The following GON4L variants were observed in gnomAD, a reference collection of about 807,000 sequenced individuals.
GON4L encodes the protein GON-4-like protein.
In GON4L, 87 loss-of-function variants were observed where a neutral mutation model predicts 211.8. That is an observed-to-expected ratio of 0.41 (90% CI 0.35 to 0.49). GON4L has a LOEUF of 0.49. Among genes scored for constraint, GON4L ranks in the 20% least tolerant of loss-of-function variants. GON4L has a pLI of 0.15. For synonymous variants in GON4L, 875 were observed against 962.6 expected (o/e 0.91, Z 1.68); for missense variants, 2,155 against 2,659.5 (o/e 0.81, Z 4.17).
At chr1:155,801,998 C>T (rs1373283265) in intron 11 of GON4L, among the ~76,000 whole-genome samples, 2 of 152,160 alleles carry the variant, frequency 1.3e-5, no homozygotes, top group Non-Finnish European at 2.9e-5. Flanking sequence ...CAGGCATGAG[C>T]CACCACGCCT....
chr1:155,764,530 C>T, intron 21 of GON4L: 1 of 313,642 alleles, frequency 3.2e-6, no homozygotes, highest in Non-Finnish European at 6.1e-6. Flanking sequence ...ACCTCTGTCT[C>T]TCGGGCTCAA....
chr1:155,764,165 C>T (rs1259626008), intron 21 of GON4L, among the ~76,000 whole-genome samples: 4 of 152,048 alleles, frequency 2.6e-5, no homozygotes, highest in African/African-American at 9.7e-5. Context: ...AGTTTTCAGG[C>T]TGGAGTGAGA....
chr1:155,798,851 C>T (rs1666355395), intron 11 of GON4L, among the ~76,000 whole-genome samples: 1 of 152,080 alleles, frequency 6.6e-6, no homozygotes. Context: ...GCCCACACCA[C>T]ACAAATGGGT....
chr1:155,755,792 T>C (rs916549564), intron 27 of GON4L, among the ~76,000 whole-genome samples: 3 of 152,102 alleles, frequency 2.0e-5, no homozygotes, highest in Admixed American at 1.3e-4. Context: ...TTTGTACCCA[T>C]GGAAAGCCTA....
chr1:155,759,843 A>G (rs1661584929), intron 24 of GON4L, among the ~76,000 whole-genome samples: 2 of 151,590 alleles, frequency 1.3e-5, no homozygotes, highest in East Asian at 1.9e-4. Context: ...ACCGCTGTGT[A>G]TAAAACCACC....
chr1:155,750,822 G>A, intron 31 of GON4L, 89 bp from the exon 32 acceptor site: 8 of 1,286,180 alleles, frequency 6.2e-6, no homozygotes, highest in Non-Finnish European at 7.7e-6. Context: ...GGAGTGCAGT[G>A]GCACTGTGTC....
At chr1:155,820,721 C>A in intron 5 of GON4L, 65 bp from the exon 6 acceptor site, 1 of 1,202,820 alleles carries the variant, frequency 8.3e-7, no homozygotes, top group Non-Finnish European at 1.2e-6. Context: ...GTGGCTCATG[C>A]CTATAATCCT....
chr1:155,804,292 C>A (rs1666942139), intron 11 of GON4L, among the ~76,000 whole-genome samples: 1 of 152,066 alleles, frequency 6.6e-6, no homozygotes, highest in Admixed American at 6.6e-5. Context: ...AGGACGATCT[C>A]TTGAGCCCAG....
At chr1:155,856,013 C>T (rs1295489828) in intron 1 of GON4L, among the ~76,000 whole-genome samples, 1 of 135,792 alleles carries the variant, frequency 7.4e-6, no homozygotes, top group Non-Finnish European at 1.6e-5. Context: ...AAAAAGGCAT[C>T]TTATTACCCA....
At chr1:155,859,186 C>T (rs905386632), upstream of GON4L, 1 of 152,596 alleles carries the variant, frequency 6.6e-6, no homozygotes. Context: ...CCAGGCAGTA[C>T]AGAATTTTAT....
chr1:155,785,537 C>T (rs1040268063), intron 12 of GON4L, among the ~76,000 whole-genome samples, 163 bp from the exon 13 acceptor site: 4 of 152,052 alleles, frequency 2.6e-5, no homozygotes, highest in Admixed American at 6.6e-5. Flanking sequence ...CAGGCTGGAG[C>T]GCAGTGGCAC....
intron 23 of GON4L, 30 bp from the exon 24 acceptor site, chr1:155,760,671 C>A: frequency 6.7e-7 from 1 of 1,486,672 alleles, no homozygotes. Context: ...ATCATCAACA[C>A]CCTTTATTTG....
At chr1:155,774,738 A>G (rs866111358) in intron 17 of GON4L, 22 of 556,840 alleles carry the variant, frequency 4.0e-5, no homozygotes, top group African/African-American at 1.1e-4. Flanking sequence ...CTGTAGTCCA[A>G]TTCTTAGCAC....
Position 155,752,093 on chromosome 1 carries a change from C to T in GON4L, c.6340G>A (p.Gly2114Ser). ...TGTGTTCCACTGTCTTTAGCCAAAC[C>T]CCCTCTAGGGGCTTTGGGAGAAGTC... is the stretch of plus-strand genomic sequence containing the variant. ...SETSPKAPRG[G>S]LAKDSGTQAK... The change falls in exon 30 of 32, where the codon GGT (glycine) becomes AGT (serine). Residue 2114 changes from glycine to serine, a missense_variant. Transcript: ENST00000368331. 2 of 1,613,770 alleles carry T rather than the reference C, an allele frequency of 1.2e-6. No homozygotes were observed. Among genetic ancestry groups the T allele is most frequent in the Middle Eastern group, 1.7e-4 (1 of 6,056 alleles).
intron 2 of GON4L, among the ~76,000 whole-genome samples, chr1:155,849,450 A>G (rs1209982982): frequency 2.0e-5 from 3 of 151,230 alleles, no homozygotes; most frequent in Non-Finnish European, 4.4e-5. Flanking sequence ...AGGCTGAGGC[A>G]GGAGAATGGC....
At chr1:155,794,687 G>C (rs1232411116) in intron 12 of GON4L, among the ~76,000 whole-genome samples, 2 of 151,960 alleles carry the variant, frequency 1.3e-5, no homozygotes, top group Non-Finnish European at 1.5e-5. Context: ...CTCTCTTTTA[G>C]GTCATTATTA....
At chr1:155,756,112 T>TTA (rs1270276242) in intron 27 of GON4L, among the ~76,000 whole-genome samples, 1 of 152,112 alleles carries the variant, frequency 6.6e-6, no homozygotes, top group African/African-American at 2.4e-5. Flanking sequence ...TCTCTGCACT[T>TTA]CAGTTATGTC....
Position 155,776,463 on chromosome 1 carries a change from G to C in GON4L, c.2110C>G (p.Gln704Glu), listed in dbSNP as rs2101843619. The C allele has an allele frequency of 6.2e-7, 1 of 1,612,560 alleles. No individual in the cohort carries two copies. The highest frequency in any genetic ancestry group is 8.5e-7 in the Non-Finnish European group (1 of 1,178,610). ...QMQQHVQLLT[Q>E]IHLLATCNPN... ...TTGCAGGTGGCAAGAAGGTGGATTT[G>C]GGTCAAGAGCTGAACGTGCTGGGGA... Residue 704 changes from glutamine (Q) to glutamate (E), a missense_variant, in exon 16 of 32, where the codon CAA becomes GAA. Around this residue, in one of 6 missense-constraint regions of GON4L, gnomAD observed 551 missense variants for 854.0 expected, o/e 0.65. Transcript: ENST00000368331.
In GON4L at chr1:155,843,563, T is replaced by C. The variant is rs145644281; in HGVS notation, c.505+9713A>G. ...CTAATGATACTATCTTTTGCACAAA[T>C]TGTTGTGACAATGACACAGAGACAG... On this transcript the variant is annotated intron_variant, in intron 2 of 31. Coordinates refer to ENST00000368331, the MANE Select transcript of GON4L (RefSeq NM_001282860.2). Among the ~76,000 whole-genome samples the C allele has an allele frequency of 4.6e-3, 706 of 152,250 alleles. 4 individuals are homozygous for C. The highest frequency in any genetic ancestry group is 0.016 in the African/African-American group (653 of 41,534).
Sources: allele counts gnomAD v4.1 joint callset (sites outside exome capture counted in the v4.1 genomes callset), GRCh38; gene constraint gnomAD v4.1.1; regional missense constraint gnomAD v4.1.1; transcripts MANE v1.5; gene names NCBI Gene and HGNC (gene_info 2026-07-23, HGNC 2026-07-21).